ARMCX4: variants seen among roughly 807,000 people sequenced by gnomAD.
ARMCX4 encodes the protein armadillo repeat-containing X-linked protein 4.
ARMCX4 carries 3 observed loss-of-function variants against 34.7 expected under a neutral mutation model. The ratio of observed to expected loss-of-function variants is 0.09; its 90% confidence interval spans 0.04 to 0.22. The LOEUF (loss-of-function observed/expected upper bound fraction) is 0.22. ARMCX4 is among the 10% of genes least tolerant of loss of function. ARMCX4 has a pLI of 1.00. For missense variants in ARMCX4, 1,448 were observed against 1,720.8 expected (o/e 0.84, Z 2.81); for synonymous variants, 513 against 632.8 (o/e 0.81, Z 2.84).
chrX:101,503,312 T>C (rs1397705141), intron 7 of ARMCX4, among the ~76,000 whole-genome samples: 1 of 111,281 alleles, frequency 9.0e-6, no homozygotes, highest in Non-Finnish European at 1.9e-5. Flanking sequence ...GTAATGGGAT[T>C]GCTGGGTCAA....
chrX:101,518,725 A>AT (rs1934793009), intron 11 of ARMCX4, among the ~76,000 whole-genome samples: 1 of 111,473 alleles, frequency 9.0e-6, no homozygotes, highest in African/African-American at 3.2e-5. Flanking sequence ...AAATAAAAAG[A>AT]TTTAAAAAAC....
chrX:101,450,598 G>A (rs183200636), downstream of ARMCX4, among the ~76,000 whole-genome samples: 1 of 111,951 alleles, frequency 8.9e-6, no homozygotes, highest in Admixed American at 9.5e-5. Context: ...GCAAGAGAAA[G>A]TTCTCTTTAC....
At chrX:101,508,915 C>T (rs917900880) in intron 8 of ARMCX4, among the ~76,000 whole-genome samples, 3 of 111,011 alleles carry the variant, frequency 2.7e-5, no homozygotes, top group Non-Finnish European at 5.7e-5. Flanking sequence ...TTGCTTTATT[C>T]TTATTTTAGT....
upstream of ARMCX4, among the ~76,000 whole-genome samples, chrX:101,482,406 C>G (rs1482665721): frequency 9.1e-6 from 1 of 110,299 alleles, no homozygotes; most frequent in East Asian, 2.8e-4. Context: ...CTTTTCTTTT[C>G]TTTTCAGAGA....
chrX:101,468,282 T>G (rs1470248107), intron 4 of ARMCX4, among the ~76,000 whole-genome samples: 1 of 111,046 alleles, frequency 9.0e-6, no homozygotes, highest in Non-Finnish European at 1.9e-5. Flanking sequence ...GGGGAGTATT[T>G]TTCTTTTCTT....
At chrX:101,466,684 G>T (rs1556002036) in intron 4 of ARMCX4, among the ~76,000 whole-genome samples, 1 of 111,847 alleles carries the variant, frequency 8.9e-6, no homozygotes, top group African/African-American at 3.3e-5. Context: ...ACAGAAATCA[G>T]ATCAGTGGTT....
chrX:101,529,080 A>G (rs1935056855), intron 11 of ARMCX4, among the ~76,000 whole-genome samples: 1 of 111,626 alleles, frequency 9.0e-6, no homozygotes, highest in Non-Finnish European at 1.9e-5. Context: ...CTGACTTCAA[A>G]CTATACTACA....
chrX:101,421,310 C>G (rs1555990070), intron 2 of ARMCX4, among the ~76,000 whole-genome samples: 1 of 109,540 alleles, frequency 9.1e-6, no homozygotes, highest in Admixed American at 9.8e-5. Context: ...TTATTAGAAG[C>G]CATTTCAACA....
chrX:101,446,566 A>C (rs1159094711), downstream of ARMCX4, among the ~76,000 whole-genome samples: 1 of 111,585 alleles, frequency 9.0e-6, no homozygotes, highest in African/African-American at 3.3e-5. Flanking sequence ...TAAAATAATA[A>C]TTTTTTATTA....
At chrX:101,470,023 C>T (rs947017028) in intron 4 of ARMCX4, among the ~76,000 whole-genome samples, 14 of 112,037 alleles carry the variant, frequency 1.2e-4, no homozygotes, top group Non-Finnish European at 1.7e-4. Context: ...AGCCCTGTTC[C>T]GCAAGTGTTC....
chrX:101,439,191 G>T (rs782555138), intron 2 of ARMCX4, among the ~76,000 whole-genome samples: 3 of 111,664 alleles, frequency 2.7e-5, no homozygotes, highest in African/African-American at 6.5e-5. Context: ...CTCAGCATTT[G>T]CTTGTCTGTA....
At chrX:101,424,295 A>G (rs149199460) in intron 2 of ARMCX4, among the ~76,000 whole-genome samples, 1,856 of 111,574 alleles carry the variant, frequency 0.017, 41 homozygotes, top group African/African-American at 0.057. Context: ...ACCTTGTCCT[A>G]TGTGATTGTT....
chrX:101,498,962 C>A (rs1479768241), downstream of ARMCX4: 4 of 112,119 alleles, frequency 3.6e-5, no homozygotes, highest in Admixed American at 9.5e-5. Context: ...CACCTCCTAT[C>A]CTGGCCACTG....
chrX:101,513,685 T>G (rs1404705700), intron 11 of ARMCX4, among the ~76,000 whole-genome samples: 1 of 111,600 alleles, frequency 9.0e-6, no homozygotes, highest in African/African-American at 3.3e-5. Flanking sequence ...ATAACTATTT[T>G]CTTTCACTAT....
chrX:101,525,849 T>A (rs180676954), intron 11 of ARMCX4, among the ~76,000 whole-genome samples: 85 of 111,597 alleles, frequency 7.6e-4, no homozygotes, highest in East Asian at 5.3e-3. Flanking sequence ...TGGGACTATG[T>A]GAAAAGACCA....
chrX:101,475,828 C>T (rs1320802701), intron 4 of ARMCX4, among the ~76,000 whole-genome samples: 1 of 110,776 alleles, frequency 9.0e-6, no homozygotes, highest in Admixed American at 9.6e-5. Context: ...ATGTAGTTAA[C>T]TATAGCTTCA....
chrX:101,510,344 G>A (rs73636841), intron 10 of ARMCX4, among the ~76,000 whole-genome samples: 1,267 of 111,593 alleles, frequency 0.011, 20 homozygotes, highest in African/African-American at 0.039. Flanking sequence ...TTGTGTGAAT[G>A]TACCAATTTT....
intron 2 of ARMCX4, among the ~76,000 whole-genome samples, chrX:101,439,304 T>A (rs1931063152): frequency 9.0e-6 from 1 of 111,692 alleles, no homozygotes; most frequent in Non-Finnish European, 1.9e-5. Flanking sequence ...TGGCCCCCAC[T>A]CTCTTCTGGC....
Position 101,492,749 on chromosome X carries a change from G to T in ARMCX4, c.4160G>T (p.Gly1387Val). The part of the protein sequence containing the change: ...WAGTLDQSGG[G>V]SKPRFENQTT... ...GGGACACTTGATCAGTCTGGTGGTGGGTCCAAGCCTAGATTTGAAAATCAG... is the reference window on the plus strand; with the variant it reads ...GGGACACTTGATCAGTCTGGTGGTGTGTCCAAGCCTAGATTTGAAAATCAG... Residue 1387 changes from glycine to valine, a missense_variant, in exon 6 of 6, where the codon GGG becomes GTG. Transcript: ENST00000423738. 1 of 1,145,628 alleles carries T rather than the reference G, an allele frequency of 8.7e-7. No individual in the cohort carries two copies. The highest frequency in any genetic ancestry group is 1.2e-6 in the Non-Finnish European group (1 of 867,363). The allele number at this position is 1,145,628 out of a possible 1,213,427, so 94.4% of individuals were successfully genotyped here.
Sources: allele counts gnomAD v4.1 joint callset (sites outside exome capture counted in the v4.1 genomes callset), GRCh38; gene constraint gnomAD v4.1.1; transcripts MANE v1.5; gene names NCBI Gene and HGNC (gene_info 2026-07-23, HGNC 2026-07-21).